PTPRD: variants seen among roughly 807,000 people sequenced by gnomAD.
PTPRD encodes receptor-type tyrosine-protein phosphatase delta.
PTPRD carries 34 observed loss-of-function variants against 214.5 expected under a neutral mutation model. The observed-to-expected ratio is 0.16, with a 90% CI of 0.12 to 0.21. The LOEUF is 0.21. PTPRD is among the 10% of genes least tolerant of loss of function. The probability of loss-of-function intolerance (pLI) is 1.00; values close to 1 mark genes in which losing one functional copy is unlikely to be tolerated. For synonymous variants in PTPRD, 1,128 were observed against 845.7 expected (o/e 1.33, Z -5.79); for missense variants, 2,545 against 2,398.7 (o/e 1.06, Z -1.27).
At chr9:8,770,050 G>C (rs917666136) in intron 11 of PTPRD, among the ~76,000 whole-genome samples, 1 of 152,182 alleles carries the variant, frequency 6.6e-6, no homozygotes, top group Non-Finnish European at 1.5e-5. Context: ...GGAGGCCGAG[G>C]CCGGTGGATC....
chr9:8,690,073 A>G (rs2097771069), intron 12 of PTPRD, among the ~76,000 whole-genome samples: 1 of 150,920 alleles, frequency 6.6e-6, no homozygotes, highest in South Asian at 2.1e-4. Flanking sequence ...GTACCACTAC[A>G]CTTCAGCCTA....
At chr9:9,363,110 G>A (rs749477526) in intron 9 of PTPRD, among the ~76,000 whole-genome samples, 1 of 70,954 alleles carries the variant, frequency 1.4e-5, no homozygotes, top group South Asian at 5.3e-4. Context: ...ACTATTTTGT[G>A]CTTTTTTTTT....
intron 3 of PTPRD, among the ~76,000 whole-genome samples, chr9:10,290,168 G>C (rs1291458588): frequency 1.3e-5 from 2 of 152,126 alleles, no homozygotes; most frequent in Non-Finnish European, 2.9e-5. Flanking sequence ...GTGGGTGGTT[G>C]CTGCTATCCA....
At position 10,111,393 on chromosome 9, in the gene PTPRD, T is replaced by C. The variant is rs1324675676; in HGVS notation, c.-544-77603A>G. Among the ~76,000 whole-genome samples, 2 of 149,686 alleles carry C rather than the reference T, an allele frequency of 1.3e-5. 1 individual carries two copies. Among genetic ancestry groups the C allele is most frequent in the Admixed American group, 1.3e-4 (2 of 14,872 alleles). ...AGCTGGGACTACAGGCGCCCGCCAC[T>C]ACGCCCAGCTAATTTTTTGTATTTT... On this transcript the variant is annotated intron_variant, in intron 3 of 45. Coordinates refer to ENST00000381196, the MANE Select transcript of PTPRD (RefSeq NM_002839.4).
rs2135642382 is a variant in PTPRD at position 8,389,276 on chromosome 9, T to A, written c.4342A>T (p.Ser1448Cys). The A allele has an allele frequency of 6.2e-7, 1 of 1,612,430 alleles. No homozygotes were observed. The highest frequency in any genetic ancestry group is 2.2e-5 in the East Asian group (1 of 44,772). The change falls in exon 37 of 46, where the codon AGT (serine) becomes TGT (cysteine). Residue 1448 changes from serine (S) to cysteine (C), a missense_variant. Physicochemically the swap from Ser to Cys is moderately radical, Grantham distance 112. Coordinates refer to ENST00000381196, the MANE Select transcript of PTPRD (RefSeq NM_002839.4). Reference sequence around the variant, plus strand: ...TTTGTCATCATGACAACTGTGGCACTCCGTTGTTCCCATATCATTCTCCAA... The same window carrying A: ...TTTGTCATCATGACAACTGTGGCACACCGTTGTTCCCATATCATTCTCCAA... ...DFWRMIWEQR[S>C]ATVVMMTKLE...
chr9:10,511,878 G>GTA (rs145066488), intron 2 of PTPRD, among the ~76,000 whole-genome samples: 68,358 of 133,306 alleles, frequency 0.51, 18,991 homozygotes, highest in South Asian at 0.67. Flanking sequence ...GTGTGTGTGT[G>GTA]TATATACACA....
intron 5 of PTPRD, among the ~76,000 whole-genome samples, chr9:9,851,836 T>C (rs1338145320): frequency 7.9e-5 from 12 of 152,216 alleles, no homozygotes; most frequent in South Asian, 6.2e-4. Flanking sequence ...TGTTTGTTGC[T>C]TCTTACAAAT....
chr9:10,446,143 A>G (rs1349342985), intron 2 of PTPRD, among the ~76,000 whole-genome samples: 3 of 152,106 alleles, frequency 2.0e-5, no homozygotes, highest in Non-Finnish European at 4.4e-5. Flanking sequence ...CCTTTGAAAT[A>G]GAAAGAGGAG....
chr9:9,238,251 T>G (rs2099968262), intron 9 of PTPRD, among the ~76,000 whole-genome samples: 1 of 152,076 alleles, frequency 6.6e-6, no homozygotes. Flanking sequence ...TTGCATTGCC[T>G]AATCTCTTTG....
rs2136821399 is a variant in PTPRD at position 8,499,727 on chromosome 9, G to C, written c.2242C>G (p.Gln748Glu). The C allele has an allele frequency of 6.2e-7, 1 of 1,614,132 alleles. No individual in the cohort carries two copies. Reference sequence around the variant, plus strand: ...TTTTCCATCCTCACATAATGCACCTGATATCCTCTTATCTGGCCATGCTGT... The same window carrying C: ...TTTTCCATCCTCACATAATGCACCTCATATCCTCTTATCTGGCCATGCTGT... Reference protein sequence around the residue: ...NKQHGQIRGYQVHYVRMENGE... With the variant: ...NKQHGQIRGYEVHYVRMENGE... The change falls in exon 25 of 46, where the codon CAG becomes GAG. Residue 748 changes from glutamine (Q) to glutamate (E), a missense_variant. Coordinates refer to ENST00000381196, the MANE Select transcript of PTPRD (RefSeq NM_002839.4).
intron 5 of PTPRD, among the ~76,000 whole-genome samples, chr9:9,933,503 G>A (rs1274809571): frequency 2.0e-5 from 3 of 151,760 alleles, no homozygotes; most frequent in East Asian, 1.9e-4. Flanking sequence ...AGTGGTAAAG[G>A]GATCAATTCA....
At chr9:9,078,326 C>T (rs146105954) in intron 10 of PTPRD, among the ~76,000 whole-genome samples, 1 of 152,002 alleles carries the variant, frequency 6.6e-6, no homozygotes, top group African/African-American at 2.4e-5. Flanking sequence ...ATGGCCCATC[C>T]TTAATTATAT....
At chr9:8,923,360 A>G (rs774837702) in intron 11 of PTPRD, among the ~76,000 whole-genome samples, 1 of 151,796 alleles carries the variant, frequency 6.6e-6, no homozygotes, top group Non-Finnish European at 1.5e-5. Flanking sequence ...CGTACTTCTT[A>G]TTTTAGAAGT....
chr9:9,991,832 C>CCACACACACACA (rs56267970), intron 4 of PTPRD, among the ~76,000 whole-genome samples: 95 of 147,638 alleles, frequency 6.4e-4, no homozygotes, highest in African/African-American at 2.2e-3. Flanking sequence ...TTCAACAGCA[C>CCACACACACACA]CACACACACA....
rs557719142 is a variant in PTPRD at position 8,375,433 on chromosome 9, A to T, written c.4661+503T>A. ...TAAATACATTTTTAAAAATCAAATT[A>T]GTGATTTGTCATGAGACTTGATATT... is the stretch of plus-strand genomic sequence containing the variant. On this transcript the variant is annotated intron_variant, in intron 39 of 45. Transcript: ENST00000381196. Among the ~76,000 whole-genome samples, 172 of 152,172 alleles carry T rather than the reference A, an allele frequency of 1.1e-3. 1 individual carries two copies. The highest frequency in any genetic ancestry group is 3.8e-3 in the African/African-American group (158 of 41,562).
intron 3 of PTPRD, among the ~76,000 whole-genome samples, chr9:10,316,820 G>A (rs1346519950): frequency 6.6e-6 from 1 of 151,844 alleles, no homozygotes. Flanking sequence ...TCTTGGCTTG[G>A]TAAATACAGA....
chr9:8,911,093 T>C (rs1357909984), intron 11 of PTPRD, among the ~76,000 whole-genome samples: 1 of 152,242 alleles, frequency 6.6e-6, no homozygotes, highest in Non-Finnish European at 1.5e-5. Context: ...GTCAAAATGC[T>C]GGCAGGCATG....
intron 10 of PTPRD, among the ~76,000 whole-genome samples, chr9:9,179,268 T>C (rs2099926710): frequency 1.3e-5 from 2 of 152,256 alleles, no homozygotes; most frequent in East Asian, 1.9e-4. Flanking sequence ...TCAAATGTTA[T>C]TTATAACAAA....
chr9:9,805,446 A>G (rs183196306), intron 5 of PTPRD, among the ~76,000 whole-genome samples: 62 of 152,312 alleles, frequency 4.1e-4, no homozygotes, highest in African/African-American at 1.5e-3. Context: ...TCACAGGTTT[A>G]TTCCTAGATC....
Sources: allele counts gnomAD v4.1 joint callset (sites outside exome capture counted in the v4.1 genomes callset), GRCh38; gene constraint gnomAD v4.1.1; transcripts MANE v1.5; gene names NCBI Gene and HGNC (gene_info 2026-07-23, HGNC 2026-07-21).